Variants in CHST11 observed in about 807,000 individuals in gnomAD.
The protein encoded by CHST11 is C4S-1.
CHST11 carries 9 observed loss-of-function variants against 30.4 expected under a neutral mutation model. The ratio of observed to expected loss-of-function variants is 0.30; its 90% CI spans 0.18 to 0.52. The LOEUF (loss-of-function observed/expected upper bound fraction) is 0.52. Ranked by LOEUF, CHST11 falls within the 20% of genes least tolerant of loss-of-function variation. The pLI is 0.97. For synonymous variants in CHST11, 152 were observed against 187.8 expected (o/e 0.81, Z 1.56); for missense variants, 348 against 460.6 (o/e 0.76, Z 2.24).
intron 1 of CHST11, among the ~76,000 whole-genome samples, chr12:104,483,646 T>G (rs2135962491): frequency 6.6e-6 from 1 of 152,342 alleles, no homozygotes; most frequent in Non-Finnish European, 1.5e-5. Flanking sequence ...TACCTGCATC[T>G]CTTTGGTTCC....
chr12:104,480,217 C>A (rs1223141785), intron 1 of CHST11, among the ~76,000 whole-genome samples: 1 of 151,934 alleles, frequency 6.6e-6, no homozygotes, highest in African/African-American at 2.4e-5. Context: ...CCTCCAAATT[C>A]ATGTTCTTCC....
chr12:104,548,428 G>C (rs756052983), intron 1 of CHST11, among the ~76,000 whole-genome samples: 14 of 152,170 alleles, frequency 9.2e-5, no homozygotes, highest in South Asian at 4.1e-4. Context: ...GGAAGAGATG[G>C]TCACAGTCAG....
intron 2 of CHST11, among the ~76,000 whole-genome samples, chr12:104,679,038 G>T (rs1378521622): frequency 6.6e-6 from 1 of 152,198 alleles, no homozygotes; most frequent in Non-Finnish European, 1.5e-5. Context: ...GGGCACCCAT[G>T]ATGTCGTTGG....
chr12:104,590,250 C>G lies in CHST11; in HGVS notation c.119-11656C>G, dbSNP rs147972836. Among the ~76,000 whole-genome samples the G allele has an allele frequency of 1.8e-3, 281 of 152,264 alleles. 1 individual carries two copies. The highest frequency in any genetic ancestry group is 6.4e-3 in the African/African-American group (265 of 41,546). On this transcript the variant is annotated intron_variant, in intron 1 of 2. Transcript: ENST00000303694. ...AGCATCCCCAGACTCTTCCAAGATACAAATCCCCTGGGGTGCTCATCAAGC... is the reference window on the plus strand; with the variant it reads ...AGCATCCCCAGACTCTTCCAAGATAGAAATCCCCTGGGGTGCTCATCAAGC...
At chr12:104,619,829 T>C (rs1012932785) in intron 2 of CHST11, among the ~76,000 whole-genome samples, 3 of 152,222 alleles carry the variant, frequency 2.0e-5, no homozygotes, top group Admixed American at 6.5e-5. Flanking sequence ...GCTAAGCCCA[T>C]GGTTTTTGCA....
intron 1 of CHST11, among the ~76,000 whole-genome samples, chr12:104,503,461 C>T (rs937192579): frequency 6.6e-6 from 1 of 152,224 alleles, no homozygotes; most frequent in Non-Finnish European, 1.5e-5. Flanking sequence ...TTGGGGCTGG[C>T]ATTTAATACC....
chr12:104,459,405 C>A (rs1209333115), intron 1 of CHST11, among the ~76,000 whole-genome samples: 3 of 152,220 alleles, frequency 2.0e-5, no homozygotes, highest in African/African-American at 7.2e-5. Context: ...GACTCTAGAG[C>A]TGTGTTCAGG....
At chr12:104,645,659 C>T (rs1361991555) in intron 2 of CHST11, among the ~76,000 whole-genome samples, 1 of 151,476 alleles carries the variant, frequency 6.6e-6, no homozygotes, top group African/African-American at 2.4e-5. Flanking sequence ...CCCCCCCACC[C>T]TCCCCTTGGC....
At chr12:104,646,741 G>A (rs546040779) in intron 2 of CHST11, among the ~76,000 whole-genome samples, 8 of 152,246 alleles carry the variant, frequency 5.3e-5, no homozygotes, top group East Asian at 1.9e-4. Flanking sequence ...CCCCTCTCCC[G>A]TCCCAGACTC....
At chr12:104,568,672 T>C (rs990168542) in intron 1 of CHST11, among the ~76,000 whole-genome samples, 2 of 152,154 alleles carry the variant, frequency 1.3e-5, no homozygotes, top group African/African-American at 4.8e-5. Flanking sequence ...ATTTATCAAC[T>C]CACTTAAACC....
chr12:104,625,398 G>C (rs566289972), intron 2 of CHST11, among the ~76,000 whole-genome samples: 2 of 152,224 alleles, frequency 1.3e-5, no homozygotes, highest in African/African-American at 4.8e-5. Flanking sequence ...TCTGCCTCCC[G>C]GGTTCAAGCG....
chr12:104,686,213 A>G (rs1257955170), intron 2 of CHST11, among the ~76,000 whole-genome samples: 1 of 133,276 alleles, frequency 7.5e-6, no homozygotes, highest in Non-Finnish European at 1.6e-5. Flanking sequence ...ACGTGATCAC[A>G]AAGGGAGAAC....
chr12:104,720,385 G>A (rs1300271598), intron 2 of CHST11, among the ~76,000 whole-genome samples: 3 of 152,228 alleles, frequency 2.0e-5, no homozygotes, highest in Non-Finnish European at 2.9e-5. Context: ...GACTCATGGC[G>A]TCCAAGGCGT....
At chr12:104,514,397 C>T (rs983006500) in intron 1 of CHST11, 19 of 910,930 alleles carry the variant, frequency 2.1e-5, no homozygotes, top group Non-Finnish European at 3.3e-5. Context: ...TCATGGGGCT[C>T]TTCTGTTTGA....
At chr12:104,573,300 A>T (rs1377684450) in intron 1 of CHST11, among the ~76,000 whole-genome samples, 6 of 152,166 alleles carry the variant, frequency 3.9e-5, no homozygotes, top group African/African-American at 7.2e-5. Flanking sequence ...TAAGTTATAG[A>T]TTCAGTGCCA....
At chr12:104,487,260 CTTTT>C (rs950996245) in intron 1 of CHST11, among the ~76,000 whole-genome samples, 5 of 152,076 alleles carry the variant, frequency 3.3e-5, no homozygotes, top group Non-Finnish European at 7.4e-5. Flanking sequence ...GTTGGTTTTT[CTTTT>C]TTTGTTTTGT....
chr12:104,688,245 A>T (rs545578202), intron 2 of CHST11, among the ~76,000 whole-genome samples: 3 of 152,164 alleles, frequency 2.0e-5, no homozygotes, highest in African/African-American at 4.8e-5. Flanking sequence ...TAGGGTGGGT[A>T]CTGACAGATT....
chr12:104,585,755 A>G (rs1047189028), intron 1 of CHST11, among the ~76,000 whole-genome samples: 12 of 152,244 alleles, frequency 7.9e-5, no homozygotes, highest in Non-Finnish European at 1.5e-4. Context: ...AAGGGAGACC[A>G]GAGGTCCAAA....
At chr12:104,717,566 G>A (rs2040140718) in intron 2 of CHST11, among the ~76,000 whole-genome samples, 1 of 152,158 alleles carries the variant, frequency 6.6e-6, no homozygotes, top group African/African-American at 2.4e-5. Context: ...GAGGTCAGGA[G>A]TTCGAGACCA....
Sources: gnomAD v4.1 joint callset for allele counts (sites outside exome capture counted in the v4.1 genomes callset) on GRCh38, gnomAD v4.1.1 for gene constraint, MANE v1.5 for transcripts, NCBI Gene and HGNC (gene_info 2026-07-23, HGNC 2026-07-21) for gene names.